Variants in GRIK3 observed in about 807,000 individuals in gnomAD.
The protein encoded by GRIK3 is glutamate receptor ionotropic, kainate 3.
Under a neutral mutation model 102.5 loss-of-function variants are expected in GRIK3, and 29 were observed. That is an observed-to-expected ratio of 0.28 (90% CI 0.21 to 0.39). The LOEUF is 0.39. GRIK3 is among the 10% of genes least tolerant of loss of function. The pLI is 1.00. For synonymous variants in GRIK3, 511 were observed against 504.9 expected (o/e 1.01, Z -0.16); for missense variants, 908 against 1,252.4 (o/e 0.73, Z 4.15).
At chr1:36,932,477 C>T (rs1427935661) in intron 1 of GRIK3, among the ~76,000 whole-genome samples, 2 of 152,170 alleles carry the variant, frequency 1.3e-5, no homozygotes, top group South Asian at 2.1e-4. Flanking sequence ...TTGTTCATTG[C>T]TACCAGGGAC....
chr1:36,903,218 A>T (rs1641250257), intron 1 of GRIK3, among the ~76,000 whole-genome samples: 1 of 152,230 alleles, frequency 6.6e-6, no homozygotes, highest in Non-Finnish European at 1.5e-5. Flanking sequence ...GCATATGAAG[A>T]TACTCCATAT....
At chr1:37,032,625 G>T (rs1642840520) in intron 1 of GRIK3, among the ~76,000 whole-genome samples, 1 of 152,164 alleles carries the variant, frequency 6.6e-6, no homozygotes, top group South Asian at 2.1e-4. Context: ...TGACCATAAG[G>T]GTTGTCCCCA....
chr1:36,982,820 T>A (rs922040468), intron 1 of GRIK3, among the ~76,000 whole-genome samples: 1 of 18,580 alleles, frequency 5.4e-5, no homozygotes, highest in Non-Finnish European at 1.0e-4. Flanking sequence ...GAAGTGGGGG[T>A]GGTGGGGGAA....
chr1:37,013,775 G>C (rs139740348), intron 1 of GRIK3, among the ~76,000 whole-genome samples: 4 of 152,240 alleles, frequency 2.6e-5, no homozygotes, highest in Non-Finnish European at 4.4e-5. Context: ...GAGCCCTGAA[G>C]CCTGAAAGGG....
intron 1 of GRIK3, among the ~76,000 whole-genome samples, chr1:36,895,243 G>A (rs914746650): frequency 3.3e-5 from 5 of 151,956 alleles, no homozygotes; most frequent in African/African-American, 9.7e-5. Context: ...AAATTACAGG[G>A]CATACTAAAA....
At chr1:36,830,845 G>C (rs1253799197) in intron 10 of GRIK3, among the ~76,000 whole-genome samples, 2 of 150,146 alleles carry the variant, frequency 1.3e-5, no homozygotes, top group Non-Finnish European at 3.0e-5. Context: ...AAGAAAAGAG[G>C]ATGCACAGAT....
chr1:37,002,679 T>C (rs1309140687), intron 1 of GRIK3, among the ~76,000 whole-genome samples: 1 of 151,412 alleles, frequency 6.6e-6, no homozygotes. Context: ...TCTTTTTTTT[T>C]TTTTTTTTTG....
intron 1 of GRIK3, among the ~76,000 whole-genome samples, chr1:36,968,648 C>A (rs180707286): frequency 6.6e-6 from 1 of 152,312 alleles, no homozygotes; most frequent in East Asian, 1.9e-4. Context: ...AGTTGCTGCC[C>A]CTCTTTACAA....
chr1:36,853,975 A>C (rs1380253042), intron 7 of GRIK3, among the ~76,000 whole-genome samples: 1 of 152,144 alleles, frequency 6.6e-6, no homozygotes, highest in East Asian at 1.9e-4. Context: ...GATGCGCTCA[A>C]ATGAGCCCCC....
rs533813046 is a variant in GRIK3, at chr1:36,805,312, G to A, written c.2315-75C>T. 6.4e-5 allele frequency: 96 copies of A among 1,488,688 alleles called. 2 individuals are homozygous for A. In the South Asian group the frequency reaches 1.1e-3, roughly 18 times the overall value. 92.2% of individuals were successfully genotyped at this position (1,488,688 alleles called of 1,614,324 possible). On this transcript the variant is annotated intron_variant, in intron 14 of 15. Coordinates refer to ENST00000373091, the MANE Select transcript of GRIK3 (RefSeq NM_000831.4). ...TGTGTTTGGCTCTGCCAACACCCTGGTCAGGTCACCACCACTAGCCCTCTG... is the reference window on the plus strand; with the variant it reads ...TGTGTTTGGCTCTGCCAACACCCTGATCAGGTCACCACCACTAGCCCTCTG...
At chr1:36,981,841 C>T (rs1422066696) in intron 1 of GRIK3, among the ~76,000 whole-genome samples, 1 of 152,200 alleles carries the variant, frequency 6.6e-6, no homozygotes, top group Non-Finnish European at 1.5e-5. Context: ...CAGCCTGGAG[C>T]TTGGTCAAAG....
At chr1:36,936,420 A>G (rs1641657821) in intron 1 of GRIK3, among the ~76,000 whole-genome samples, 1 of 152,332 alleles carries the variant, frequency 6.6e-6, no homozygotes. Flanking sequence ...CTCAGGTTCA[A>G]TTCTTGAAAG....
At chr1:36,969,013 G>A (rs973523529) in intron 1 of GRIK3, among the ~76,000 whole-genome samples, 10 of 152,172 alleles carry the variant, frequency 6.6e-5, no homozygotes, top group Admixed American at 5.9e-4. Context: ...CTCCCATGAA[G>A]AAGCCAGATT....
chr1:36,887,329 GAT>G (rs1207604533), intron 2 of GRIK3, among the ~76,000 whole-genome samples: 1 of 152,150 alleles, frequency 6.6e-6, no homozygotes, highest in Non-Finnish European at 1.5e-5. Context: ...GGAAAATATT[GAT>G]AAATTGGACT....
chr1:36,950,514 C>A (rs1641833126), intron 1 of GRIK3, among the ~76,000 whole-genome samples: 1 of 152,204 alleles, frequency 6.6e-6, no homozygotes. Flanking sequence ...TTTCCACACT[C>A]CCAGACAAAT....
intron 1 of GRIK3, among the ~76,000 whole-genome samples, chr1:36,891,413 A>G (rs1641114173): frequency 6.6e-6 from 1 of 152,222 alleles, no homozygotes; most frequent in Non-Finnish European, 1.5e-5. Flanking sequence ...ACATACCATG[A>G]CCACGCAGAG....
At chr1:37,014,931 TTGTCTC>T (rs1365930250) in intron 1 of GRIK3, among the ~76,000 whole-genome samples, 1 of 117,798 alleles carries the variant, frequency 8.5e-6, no homozygotes, top group Non-Finnish European at 1.7e-5. Context: ...CTCTCTGTTT[TTGTCTC>T]TCTCTCTCTC....
At chr1:37,014,387 AGAAGCCAGGCAAGCT>A (rs1332732300) in intron 1 of GRIK3, among the ~76,000 whole-genome samples, 1 of 152,242 alleles carries the variant, frequency 6.6e-6, no homozygotes, top group African/African-American at 2.4e-5. Context: ...GGAGGGGGAA[AGAAGCCAGGCAAGCT>A]GAACCGCAGA....
chr1:36,906,604 C>T (rs1376137809), intron 1 of GRIK3, among the ~76,000 whole-genome samples: 2 of 151,176 alleles, frequency 1.3e-5, no homozygotes, highest in African/African-American at 2.5e-5. Context: ...TGCAAAGGAT[C>T]GGAGGGTAAA....
Sources: allele counts gnomAD v4.1 joint callset (sites outside exome capture counted in the v4.1 genomes callset), GRCh38; gene constraint gnomAD v4.1.1; transcripts MANE v1.5; gene names NCBI Gene and HGNC (gene_info 2026-07-23, HGNC 2026-07-21).